The following PPP4R3A variants were observed in gnomAD, a reference collection of about 807,000 sequenced individuals.
PPP4R3A encodes protein phosphatase 4 regulatory subunit 3A, also known as serine/threonine-protein phosphatase 4 regulatory subunit 3A.
Under a neutral mutation model 91.7 loss-of-function variants are expected in PPP4R3A, and 15 were observed. The observed-to-expected ratio is 0.16, with a 90% CI of 0.11 to 0.25. The LOEUF is 0.25. Among genes scored for constraint, PPP4R3A ranks in the 10% least tolerant of loss-of-function variants. The pLI, the probability that PPP4R3A is intolerant of heterozygous loss-of-function variation, is 1.00. For synonymous variants in PPP4R3A, 377 were observed against 348.7 expected, an observed-to-expected ratio of 1.08 and a Z score of -0.91; for missense variants, 623 against 998.4, an observed-to-expected ratio of 0.62 and a Z score of 5.07.
At chr14:91,458,977 G>A in intron 14 of PPP4R3A, 108 bp from the exon 15 acceptor site, 1 of 1,277,278 alleles carries the variant, frequency 7.8e-7, no homozygotes, top group Admixed American at 2.8e-5. Flanking sequence ...AGTAACGGTG[G>A]TTATTTCTGG....
At chr14:91,466,845 C>T (rs1888498308) in intron 10 of PPP4R3A, among the ~76,000 whole-genome samples, 1 of 152,058 alleles carries the variant, frequency 6.6e-6, no homozygotes, top group Non-Finnish European at 1.5e-5. Context: ...TAATAGACCA[C>T]ATTTTAAACT....
intron 1 of PPP4R3A, among the ~76,000 whole-genome samples, chr14:91,506,194 G>A (rs760506825): frequency 4.6e-5 from 7 of 152,274 alleles, no homozygotes; most frequent in African/African-American, 9.6e-5. Flanking sequence ...TGATCTGCCC[G>A]CCTTGGCCTC....
intron 11 of PPP4R3A, 145 bp from the exon 12 acceptor site, chr14:91,463,022 G>A: frequency 1.4e-6 from 1 of 691,306 alleles, no homozygotes; most frequent in Non-Finnish European, 2.4e-6. Context: ...AATAAAAAAT[G>A]GGAATAACGT....
At chr14:91,487,493 G>C (rs909906185) in intron 2 of PPP4R3A, among the ~76,000 whole-genome samples, 2 of 152,050 alleles carry the variant, frequency 1.3e-5, no homozygotes, top group Admixed American at 1.3e-4. Context: ...GAATTTAGAA[G>C]AGTAAAGTTA....
Position 91,470,826 on chromosome 14 carries a change from C to G in PPP4R3A, c.1660+11G>C. On this transcript the variant is annotated intron_variant, in intron 10 of 14. Coordinates refer to ENST00000554943, the MANE Select transcript of PPP4R3A (RefSeq NM_001366432.2). ...CAATATACAAAGATGATAAATAATT[C>G]TAACACTTACATAATGCCAAGAAAG... 1 of 1,600,182 alleles carries G rather than the reference C, an allele frequency of 6.2e-7. No individual in the cohort carries two copies. The highest frequency in any genetic ancestry group is 8.5e-7 in the Non-Finnish European group (1 of 1,177,002).
intron 1 of PPP4R3A, among the ~76,000 whole-genome samples, chr14:91,493,239 A>ACC (rs1450897652): frequency 5.3e-5 from 8 of 150,830 alleles, no homozygotes; most frequent in African/African-American, 2.0e-4. Context: ...AAATACAAAA[A>ACC]TTAGCCGGGC....
Position 91,509,582 on chromosome 14 carries a change from C to G in PPP4R3A, c.66G>C (p.Arg22=). 1 of 1,602,980 alleles carries G rather than the reference C, an allele frequency of 6.2e-7. No homozygotes were observed. The highest frequency in any genetic ancestry group is 8.5e-7 in the Non-Finnish European group (1 of 1,179,018). The change falls in exon 1 of 15, where the codon CGG becomes CGC. Residue 22 remains arginine, a synonymous_variant. Transcript: ENST00000554943. ...AGCCAGACGACACATGCCCGGTGCC[C>G]CGGTCGTCCCACTGCCGGTCCTCGT... is the stretch of plus-strand genomic sequence containing the variant. ...TLNEDRQWDD[R]GTGHVSSGYV...
chr14:91,471,370 T>C (rs1426404784), intron 9 of PPP4R3A, among the ~76,000 whole-genome samples: 1 of 152,202 alleles, frequency 6.6e-6, no homozygotes, highest in African/African-American at 2.4e-5. Flanking sequence ...ATATGAGGTT[T>C]TGCCAGACAC....
In PPP4R3A at chr14:91,473,148, G is replaced by T. The variant is rs765184667; in HGVS notation, c.1399-13C>A. Reference sequence around the variant, plus strand: ...TCTTTTCTGTTTTCTAAGGAAACAAGAACAATTCCATGAACTTTAACCACA... The same window carrying T: ...TCTTTTCTGTTTTCTAAGGAAACAATAACAATTCCATGAACTTTAACCACA... On this transcript the variant is annotated splice_polypyrimidine_tract_variant and intron_variant, in intron 8 of 14. Transcript: ENST00000554943. 2 of 1,613,614 alleles carry T rather than the reference G, an allele frequency of 1.2e-6. No individual in the cohort carries two copies. Among genetic ancestry groups the T allele is most frequent in the Non-Finnish European group, 1.7e-6 (2 of 1,179,858 alleles).
chr14:91,458,470 AC>A lies in PPP4R3A; in HGVS notation c.*288del. 2.2e-6 allele frequency: 1 copy of A among 450,162 alleles called. No individual in the cohort carries two copies. The highest frequency in any genetic ancestry group is 4.1e-6 in the Non-Finnish European group (1 of 243,862). 27.9% of individuals were successfully genotyped at this position (450,162 alleles called of 1,614,324 possible). On this transcript the variant is annotated 3_prime_UTR_variant, in exon 15 of 15. Coordinates refer to ENST00000554943, the MANE Select transcript of PPP4R3A (RefSeq NM_001366432.2). ...GACCAGTCAATCCAGAGTTCCACTT[AC>A]AAAACCCCTGCCCTGTTGGCTTTTT...
intron 2 of PPP4R3A, among the ~76,000 whole-genome samples, chr14:91,486,331 C>G (rs557858488): frequency 2.9e-4 from 44 of 150,952 alleles, no homozygotes; most frequent in Non-Finnish European, 5.2e-4. Context: ...CATTCCTATT[C>G]AGAACTTCTT....
rs1318983606 is a variant in PPP4R3A, at chr14:91,462,121, A to G, written c.2092T>C (p.Ser698Pro). The G allele has an allele frequency of 6.3e-7, 1 of 1,594,586 alleles. No individual in the cohort carries two copies. The highest frequency in any genetic ancestry group is 1.8e-5 in the Admixed American group (1 of 56,162). Residue 698 changes from serine to proline, a missense_variant, in exon 13 of 15, where the codon TCT (serine) becomes CCT (proline). Physicochemically the swap from Ser to Pro is moderately conservative, Grantham distance 74 (BLOSUM62 -1). Around this residue, in one of 5 missense-constraint regions of PPP4R3A, gnomAD observed 201 missense variants for 229.9 expected, o/e 0.87. Transcript: ENST00000554943. The part of the protein sequence containing the change: ...DDMEDGEAVV[S>P]PSDKTKNDDD... ...TCATTTTTAGTTTTGTCAGATGGAG[A>G]CACTACAGCTTCTCCATCTTCCATG...
intron 1 of PPP4R3A, among the ~76,000 whole-genome samples, chr14:91,494,241 C>T (rs1399428377): frequency 6.6e-6 from 1 of 152,018 alleles, no homozygotes; most frequent in Non-Finnish European, 1.5e-5. Context: ...GGCATAGGAC[C>T]CAACTAGGAA....
chr14:91,497,828 A>T (rs1260252220), intron 1 of PPP4R3A, among the ~76,000 whole-genome samples: 2 of 152,186 alleles, frequency 1.3e-5, no homozygotes, highest in Non-Finnish European at 2.9e-5. Flanking sequence ...ATGGCAACAA[A>T]CTAAAAACAA....
Position 91,473,054 on chromosome 14 carries a change from T to C in PPP4R3A, c.1480A>G (p.Thr494Ala), listed in dbSNP as rs1476702233. Residue 494 changes from threonine to alanine, a missense_variant, in exon 9 of 15, where the codon ACA (threonine) becomes GCA (alanine). Transcript: ENST00000554943. The part of the protein sequence containing the change: ...VLTAPLLANT[T>A]EDKPSKDDFQ... The stretch of plus-strand genomic sequence containing the variant: ...TTACCTTTACTAGGTTTGTCTTCTG[T>C]TGTATTTGCTAGTAAAGGAGCAGTG... 6.2e-7 allele frequency: 1 copy of C among 1,614,092 alleles called. No individual in the cohort carries two copies. Among genetic ancestry groups the C allele is most frequent in the Admixed American group, 1.7e-5 (1 of 60,020 alleles).
rs2140185867 is a variant in PPP4R3A at position 91,510,016 on chromosome 14, CGCGCCGCCGCCGCCTCCTCAGGCCG to C, written c.-394_-370del. On this transcript the variant is annotated 5_prime_UTR_variant, in exon 1 of 15. It removes the in-frame stop codon of an upstream open reading frame in the 5' UTR. Coordinates refer to ENST00000554943, the MANE Select transcript of PPP4R3A (RefSeq NM_001366432.2). The stretch of plus-strand genomic sequence containing the variant: ...CCATGATCTCCGCGAAGCAGCTTCC[CGCGCCGCCGCCGCCTCCTCAGGCCG>C]CCGCCGCCGCCGCCATATTTTCCTT... 1.1e-6 allele frequency: 1 copy of C among 931,982 alleles called. No homozygotes were observed. The highest frequency in any genetic ancestry group is 1.1e-4 in the East Asian group (1 of 9,250). The allele number at this position is 931,982 out of a possible 1,614,324, so 57.7% of individuals were successfully genotyped here. A position where few individuals can be genotyped will look rare whatever the true frequency, so the allele number is the denominator to read the frequency against.
At chr14:91,478,644 A>G (rs1468348068) in intron 4 of PPP4R3A, among the ~76,000 whole-genome samples, 2 of 152,256 alleles carry the variant, frequency 1.3e-5, no homozygotes, top group African/African-American at 4.8e-5. Flanking sequence ...AAGACCAAGA[A>G]AACACAGAAG....
chr14:91,460,708 C>T (rs1452479061), intron 14 of PPP4R3A, among the ~76,000 whole-genome samples: 1 of 145,596 alleles, frequency 6.9e-6, no homozygotes, highest in Non-Finnish European at 1.5e-5. Flanking sequence ...GCAAGCTCCG[C>T]CTCCCAGGTT....
chr14:91,489,109 G>A (rs545965639), intron 2 of PPP4R3A, among the ~76,000 whole-genome samples: 14 of 151,874 alleles, frequency 9.2e-5, no homozygotes, highest in Admixed American at 6.6e-4. Flanking sequence ...GGGTTTCACC[G>A]TGTTAGCCAG....
Sources: gnomAD v4.1 joint callset for allele counts (sites outside exome capture counted in the v4.1 genomes callset) on GRCh38, gnomAD v4.1.1 for gene constraint, gnomAD v4.1.1 regional missense constraint, MANE v1.5 for transcripts, NCBI Gene and HGNC (gene_info 2026-07-23, HGNC 2026-07-21) for gene names.